NEGR1: variants seen among roughly 807,000 people sequenced by gnomAD.
The protein encoded by NEGR1 is neuronal growth regulator 1.
NEGR1 carries 10 observed loss-of-function variants against 40.9 expected under a neutral mutation model. The ratio of observed to expected loss-of-function variants is 0.24; its 90% CI spans 0.15 to 0.42. The LOEUF (loss-of-function observed/expected upper bound fraction) is 0.42. Ranked by LOEUF, NEGR1 falls within the 10% of genes least tolerant of loss-of-function variation. NEGR1 has a pLI of 1.00. For synonymous variants in NEGR1, 185 were observed against 166.8 expected (o/e 1.11, Z -0.84); for missense variants, 352 against 438.9 (o/e 0.80, Z 1.77).
chr1:71,595,238 CT>C (rs1254964231), intron 5 of NEGR1, among the ~76,000 whole-genome samples: 3 of 152,212 alleles, frequency 2.0e-5, no homozygotes, highest in African/African-American at 7.2e-5. Flanking sequence ...GCTCCAACCC[CT>C]GCTACTCGGA....
chr1:71,801,551 A>C (rs1370393462), intron 2 of NEGR1, among the ~76,000 whole-genome samples: 1 of 152,144 alleles, frequency 6.6e-6, no homozygotes, highest in South Asian at 2.1e-4. Context: ...TCAGTTAATC[A>C]TAACTAGTTT....
At chr1:71,495,305 C>T (rs555439987) in intron 6 of NEGR1, among the ~76,000 whole-genome samples, 2 of 151,872 alleles carry the variant, frequency 1.3e-5, no homozygotes, top group South Asian at 4.2e-4. Context: ...ATGGTGAAAC[C>T]CCATCTCTAC....
chr1:71,771,797 A>C (rs936114349), intron 3 of NEGR1, among the ~76,000 whole-genome samples: 1 of 151,444 alleles, frequency 6.6e-6, no homozygotes, highest in Admixed American at 6.6e-5. Flanking sequence ...ATTCTACAGT[A>C]GAATGTCAAG....
At chr1:72,013,286 T>C (rs1246119323) in intron 1 of NEGR1, among the ~76,000 whole-genome samples, 1 of 152,050 alleles carries the variant, frequency 6.6e-6, no homozygotes, top group Admixed American at 6.6e-5. Context: ...CTGTGATAGA[T>C]AATGACATTT....
At chr1:72,028,055 C>T (rs376244554) in intron 1 of NEGR1, among the ~76,000 whole-genome samples, 8 of 152,304 alleles carry the variant, frequency 5.3e-5, no homozygotes, top group African/African-American at 1.4e-4. Context: ...ATTCTTATCT[C>T]GTGAAATTTC....
Position 72,241,126 on chromosome 1 carries a change from C to G in NEGR1, c.176+41193G>C, listed in dbSNP as rs1654719034. Among the ~76,000 whole-genome samples the G allele has an allele frequency of 2.0e-5, 3 of 151,570 alleles. No individual in the cohort carries two copies. The Admixed American group carries it at 2.0e-4, about 10-fold the overall frequency. On this transcript the variant is annotated intron_variant, in intron 1 of 6. Transcript: ENST00000357731. ...CAAGTTTGTATTTTAATTTTTATCG[C>G]TAATGTCATTTTTCAATGGTATTTC...
At chr1:71,508,132 C>G (rs1647048042) in intron 6 of NEGR1, among the ~76,000 whole-genome samples, 1 of 152,140 alleles carries the variant, frequency 6.6e-6, no homozygotes, top group African/African-American at 2.4e-5. Flanking sequence ...TGACTCAAAC[C>G]CCACCTTTTA....
intron 6 of NEGR1, among the ~76,000 whole-genome samples, chr1:71,449,657 A>G (rs950787637): frequency 6.6e-6 from 1 of 152,218 alleles, no homozygotes; most frequent in Admixed American, 6.5e-5. Context: ...TTATAACAGA[A>G]TTCCATGTAC....
At chr1:71,445,596 TCAAAA>T (rs1299949916) in intron 6 of NEGR1, among the ~76,000 whole-genome samples, 3 of 152,044 alleles carry the variant, frequency 2.0e-5, no homozygotes, top group Admixed American at 6.5e-5. Flanking sequence ...AATAAAATTC[TCAAAA>T]CAAAAAAACT....
intron 1 of NEGR1, among the ~76,000 whole-genome samples, chr1:71,993,623 A>G (rs1346133310): frequency 6.6e-6 from 1 of 152,226 alleles, no homozygotes; most frequent in Non-Finnish European, 1.5e-5. Context: ...AATAATAGTG[A>G]CAATGATAAT....
chr1:71,849,345 TGTG>T (rs1659527537), intron 2 of NEGR1, among the ~76,000 whole-genome samples: 1 of 152,114 alleles, frequency 6.6e-6, no homozygotes, highest in African/African-American at 2.4e-5. Flanking sequence ...TAACTGCAGA[TGTG>T]GTGCAAATTG....
chr1:71,885,207 A>C (rs2101847450), intron 2 of NEGR1, among the ~76,000 whole-genome samples: 1 of 152,338 alleles, frequency 6.6e-6, no homozygotes, highest in African/African-American at 2.4e-5. Context: ...CTAGCTTGAA[A>C]GCTAATAAGA....
At chr1:72,258,423 T>TA (rs1655346219) in intron 1 of NEGR1, among the ~76,000 whole-genome samples, 1 of 152,160 alleles carries the variant, frequency 6.6e-6, no homozygotes, top group Non-Finnish European at 1.5e-5. Context: ...AGGGCATTGT[T>TA]TCATTAAGGT....
chr1:71,479,397 C>T (rs1483752177), intron 6 of NEGR1, among the ~76,000 whole-genome samples: 2 of 151,966 alleles, frequency 1.3e-5, no homozygotes, highest in African/African-American at 2.4e-5. Context: ...AAACCAGCAT[C>T]CCATTTTAGC....
chr1:71,923,923 T>A (rs1232094183), intron 2 of NEGR1, among the ~76,000 whole-genome samples: 1 of 152,076 alleles, frequency 6.6e-6, no homozygotes, highest in Non-Finnish European at 1.5e-5. Flanking sequence ...TTTTTTCTTT[T>A]TTTGTGGCAG....
At chr1:71,609,311 C>G (rs996504573) in intron 5 of NEGR1, among the ~76,000 whole-genome samples, 34 of 151,158 alleles carry the variant, frequency 2.2e-4, no homozygotes, top group African/African-American at 8.3e-4. Context: ...GTCAGGAGAT[C>G]AAGACCATCC....
chr1:71,703,796 G>A (rs1226323712), intron 3 of NEGR1, among the ~76,000 whole-genome samples: 1 of 151,708 alleles, frequency 6.6e-6, no homozygotes, highest in Admixed American at 6.6e-5. Context: ...TAAAAATACA[G>A]AGCCTCGATG....
chr1:72,125,568 G>A (rs894476357), intron 1 of NEGR1, among the ~76,000 whole-genome samples: 2 of 151,948 alleles, frequency 1.3e-5, no homozygotes, highest in Non-Finnish European at 2.9e-5. Flanking sequence ...AAATACAATG[G>A]AACTTTCATC....
At chr1:72,165,806 T>C (rs1409846519) in intron 1 of NEGR1, among the ~76,000 whole-genome samples, 2 of 152,054 alleles carry the variant, frequency 1.3e-5, no homozygotes, top group Non-Finnish European at 2.9e-5. Flanking sequence ...AAACTTTAAG[T>C]GCTACTAGTT....
Sources: gnomAD v4.1 joint callset for allele counts (sites outside exome capture counted in the v4.1 genomes callset) on GRCh38, gnomAD v4.1.1 for gene constraint, MANE v1.5 for transcripts, NCBI Gene and HGNC (gene_info 2026-07-23, HGNC 2026-07-21) for gene names.